Variants in NAP1L1 observed in about 807,000 individuals in gnomAD.
NAP1L1 encodes nucleosome assembly protein 1-like 1.
Under a neutral mutation model 58.9 loss-of-function variants are expected in NAP1L1, and 9 were observed. The ratio of observed to expected loss-of-function variants is 0.15; its 90% CI spans 0.09 to 0.27. NAP1L1 has a LOEUF of 0.27. Among genes scored for constraint, NAP1L1 ranks in the 10% least tolerant of loss-of-function variants. The pLI is 1.00. For missense variants in NAP1L1, 302 were observed against 458.8 expected, an observed-to-expected ratio of 0.66 and a Z score of 3.12; for synonymous variants, 130 against 138.3, an observed-to-expected ratio of 0.94 and a Z score of 0.42.
chr12:76,064,109 T>C (rs1439411280), intron 4 of NAP1L1, among the ~76,000 whole-genome samples: 3 of 152,106 alleles, frequency 2.0e-5, no homozygotes, highest in South Asian at 2.1e-4. Context: ...TGTGCCACTG[T>C]ACTCCAGAGT....
chr12:76,046,463 A>C lies in NAP1L1; in HGVS notation c.*1966T>G, dbSNP rs1438009916. On this transcript the variant is annotated 3_prime_UTR_variant, in exon 15 of 15. Coordinates refer to ENST00000618691, the MANE Select transcript of NAP1L1 (RefSeq NM_004537.7). ...GGATTCTATCTTTGAAGTTCAGAAA[A>C]AGCTGCATTTCGATGAACTATGGTT... is the stretch of plus-strand genomic sequence containing the variant. The C allele has an allele frequency of 6.6e-6, 1 of 152,386 alleles. No individual in the cohort carries two copies. The highest frequency in any genetic ancestry group is 1.5e-5 in the Non-Finnish European group (1 of 67,880). The allele number at this position is 152,386 out of a possible 1,614,324, so 9.4% of individuals were successfully genotyped here.
At chr12:76,077,659 G>A (rs894078039) in intron 1 of NAP1L1, among the ~76,000 whole-genome samples, 1 of 151,970 alleles carries the variant, frequency 6.6e-6, no homozygotes, top group African/African-American at 2.4e-5. Context: ...TCCTGAAAGC[G>A]ACAAACTAGA....
intron 1 of NAP1L1, chr12:76,084,178 G>C (rs964744040): frequency 6.6e-6 from 1 of 152,190 alleles, no homozygotes; most frequent in Admixed American, 6.5e-5. Context: ...GGCCGGCTCT[G>C]CACTCGGCCC....
intron 11 of NAP1L1, among the ~76,000 whole-genome samples, chr12:76,051,203 T>C (rs1254343752): frequency 1.3e-5 from 2 of 152,044 alleles, no homozygotes; most frequent in Non-Finnish European, 2.9e-5. Flanking sequence ...CATACTAAGA[T>C]AAATTGTGAA....
chr12:76,072,852 C>T (rs998805915), intron 2 of NAP1L1, among the ~76,000 whole-genome samples: 2 of 152,130 alleles, frequency 1.3e-5, no homozygotes, highest in African/African-American at 2.4e-5. Flanking sequence ...GTAGAATAGT[C>T]GTTTTCAGTC....
intron 1 of NAP1L1, among the ~76,000 whole-genome samples, chr12:76,076,582 ATATATATAT>A (rs1752268257): frequency 7.7e-6 from 1 of 129,164 alleles, no homozygotes; most frequent in Non-Finnish European, 1.6e-5. Flanking sequence ...ATATATATAT[ATATATATAT>A]ATCTCCACTC....
At chr12:76,084,500 T>G (rs1047667308) in intron 1 of NAP1L1, 67 bp downstream of exon 1, 1 of 152,172 alleles carries the variant, frequency 6.6e-6, no homozygotes, top group African/African-American at 2.4e-5. Context: ...CCTCCGGCCC[T>G]CCCATCTGCG....
chr12:76,070,452 A>G (rs781302652), intron 2 of NAP1L1, among the ~76,000 whole-genome samples: 28 of 152,180 alleles, frequency 1.8e-4, no homozygotes, highest in Admixed American at 6.5e-4. Flanking sequence ...TAAGTGTTTG[A>G]TAAGTGTACA....
At position 76,042,476 on chromosome 12, in the gene NAP1L1, G is replaced by C. The variant is rs1948560227; in HGVS notation, c.*5953C>G. 6.6e-6 allele frequency: 1 copy of C among 152,156 alleles called. No individual in the cohort carries two copies. Among genetic ancestry groups the C allele is most frequent in the South Asian group, 2.1e-4 (1 of 4,832 alleles). The allele number at this position is 152,156 out of a possible 1,614,324, so 9.4% of individuals were successfully genotyped here. A position where few individuals can be genotyped will look rare whatever the true frequency, so the allele number is the denominator to read the frequency against. ...TTAAAATTTGGTAGCAGAGACATTT[G>C]TTTAGGGGCTGAAAAGTTTTAGTCT... is the stretch of plus-strand genomic sequence containing the variant. On this transcript the variant is annotated 3_prime_UTR_variant, in exon 15 of 15. Coordinates refer to ENST00000618691, the MANE Select transcript of NAP1L1 (RefSeq NM_004537.7).
At position 76,068,886 on chromosome 12, in the gene NAP1L1, C is replaced by T. The variant is rs1194842393; in HGVS notation, c.103+23G>A. 3 of 1,553,204 alleles carry T rather than the reference C, an allele frequency of 1.9e-6. No individual in the cohort carries two copies. The African/African-American group carries it at 4.1e-5, about 21-fold the overall frequency. ...AGACATGTGCCAGCAATCACTGGCT[C>T]CTGAAGTAATTTAAAGTAATACCTT... On this transcript the variant is annotated intron_variant, in intron 3 of 14. Transcript: ENST00000618691.
chr12:76,081,988 C>T (rs1592714272), intron 1 of NAP1L1, among the ~76,000 whole-genome samples: 1 of 152,304 alleles, frequency 6.6e-6, no homozygotes, highest in East Asian at 1.9e-4. Context: ...CTCTTTTGCT[C>T]ATGACATAAG....
intron 11 of NAP1L1, among the ~76,000 whole-genome samples, chr12:76,051,016 A>G (rs1948800454): frequency 6.6e-6 from 1 of 151,924 alleles, no homozygotes; most frequent in African/African-American, 2.4e-5. Context: ...AAAAAAAAAA[A>G]AAAAGACAGA....
chr12:76,063,588 G>C (rs376660624), intron 4 of NAP1L1, among the ~76,000 whole-genome samples: 1 of 152,036 alleles, frequency 6.6e-6, no homozygotes, highest in Non-Finnish European at 1.5e-5. Context: ...ACTTTAACTC[G>C]GGAGTTCGAG....
At chr12:76,062,981 A>C (rs1018996075) in intron 4 of NAP1L1, among the ~76,000 whole-genome samples, 2 of 152,210 alleles carry the variant, frequency 1.3e-5, no homozygotes, top group Non-Finnish European at 2.9e-5. Flanking sequence ...GAAATAAAGA[A>C]AAAAATAAAT....
rs58649228 is a variant in NAP1L1 at position 76,076,549 on chromosome 12, A to AATATATATAT, written c.-20-2320_-20-2311dup. Among the ~76,000 whole-genome samples the AATATATATAT allele has an allele frequency of 8.9e-3, 1,071 of 120,026 alleles. 14 individuals are homozygous for AATATATATAT. Among genetic ancestry groups the AATATATATAT allele is most frequent in the Middle Eastern group, 0.015 (3 of 198 alleles). The allele number at this position is 120,026 out of a possible 152,430, so 78.7% of individuals were successfully genotyped here. ...TGCCGAAATCCCCTTTGGATATGGA[A>AATATATATAT]ATATATATATATATATATATATATA... On this transcript the variant is annotated intron_variant, in intron 1 of 14. Transcript: ENST00000618691.
Position 76,047,400 on chromosome 12 carries a change from G to A in NAP1L1, c.*1029C>T, listed in dbSNP as rs1948633420. 6.9e-6 allele frequency: 1 copy of A among 145,662 alleles called. No individual in the cohort carries two copies. 9.0% of individuals were successfully genotyped at this position (145,662 alleles called of 1,614,324 possible). Reference sequence around the variant, plus strand: ...TTTTTTTTTTTTTTAAAAGAAAACAGCATCAATCACTTAAGATTTTCTTCC... The same window carrying A: ...TTTTTTTTTTTTTTAAAAGAAAACAACATCAATCACTTAAGATTTTCTTCC... On this transcript the variant is annotated 3_prime_UTR_variant, in exon 15 of 15. Transcript: ENST00000618691.
At chr12:76,083,986 C>G (rs1026068524) in intron 1 of NAP1L1, 34 of 152,218 alleles carry the variant, frequency 2.2e-4, no homozygotes, top group African/African-American at 8.2e-4. Context: ...GCGGCCGCCC[C>G]CAATGGGCGG....
intron 14 of NAP1L1, 84 bp downstream of exon 14, chr12:76,049,116 C>T: frequency 7.4e-6 from 10 of 1,357,852 alleles, no homozygotes; most frequent in East Asian, 2.3e-5. Flanking sequence ...AAGACTTTAA[C>T]GGAGAGAAAC....
intron 14 of NAP1L1, among the ~76,000 whole-genome samples, 186 bp from the exon 15 acceptor site, chr12:76,048,650 TAC>T (rs1948685251): frequency 6.6e-6 from 1 of 152,238 alleles, no homozygotes; most frequent in African/African-American, 2.4e-5. Context: ...GCTCAAACTT[TAC>T]ACTGTAGAAT....
Sources: allele counts gnomAD v4.1 joint callset (sites outside exome capture counted in the v4.1 genomes callset), GRCh38; gene constraint gnomAD v4.1.1; transcripts MANE v1.5; gene names NCBI Gene and HGNC (gene_info 2026-07-23, HGNC 2026-07-21).